The following BEND6 variants were observed in gnomAD, a reference collection of about 807,000 sequenced individuals.
The protein encoded by BEND6 is BEN domain-containing protein 6.
In BEND6, 24 loss-of-function variants were observed where a neutral mutation model predicts 31.8. The ratio of observed to expected loss-of-function variants is 0.75; its 90% CI spans 0.55 to 1.06. The LOEUF (loss-of-function observed/expected upper bound fraction) is 1.06, where lower values mean the gene tolerates loss of function less well. BEND6 is among the 50% of genes least tolerant of loss of function. The pLI, the probability that BEND6 is intolerant of heterozygous loss-of-function variation, is 0.00. For synonymous variants in BEND6, 109 were observed against 114.6 expected (o/e 0.95, Z 0.31); for missense variants, 294 against 327.4 (o/e 0.90, Z 0.79).
chr6:56,974,944 A>G (rs1341661979), intron 1 of BEND6, among the ~76,000 whole-genome samples: 1 of 152,042 alleles, frequency 6.6e-6, no homozygotes, highest in Non-Finnish European at 1.5e-5. Context: ...AACCTGGTGA[A>G]ACCCCATCCC....
intron 2 of BEND6, among the ~76,000 whole-genome samples, chr6:56,984,077 C>T (rs1447879142): frequency 3.3e-5 from 5 of 151,986 alleles, no homozygotes; most frequent in South Asian, 2.1e-4. Flanking sequence ...TAAAATTAAT[C>T]GGGTGCAACT....
At position 57,017,187 on chromosome 6, in the gene BEND6, A is replaced by G. The variant is rs374809214; in HGVS notation, c.520-20A>G. ...ACAGCACTTTCTTTTTCCAACTTCA[A>G]CTCTTTCTTATCTTTTTAGTTCCAG... On this transcript the variant is annotated intron_variant, in intron 4 of 6. Coordinates refer to ENST00000370746, the MANE Select transcript of BEND6 (RefSeq NM_152731.3). 320 of 1,555,994 alleles carry G rather than the reference A, an allele frequency of 2.1e-4. No homozygotes were observed. The highest frequency in any genetic ancestry group is 2.7e-4 in the Non-Finnish European group (310 of 1,152,708).
At chr6:57,017,750 C>T (rs1827613907) in intron 5 of BEND6, among the ~76,000 whole-genome samples, 1 of 152,120 alleles carries the variant, frequency 6.6e-6, no homozygotes, top group South Asian at 2.1e-4. Context: ...AAGATAAAGG[C>T]TAATTTGACC....
intron 3 of BEND6, chr6:57,009,457 C>G (rs1164489107): frequency 6.6e-6 from 1 of 152,052 alleles, no homozygotes; most frequent in Non-Finnish European, 1.5e-5. Flanking sequence ...ATATGGTTCC[C>G]TGAGTAGTCC....
chr6:57,009,498 T>G (rs943140805), intron 3 of BEND6: 1 of 152,192 alleles, frequency 6.6e-6, no homozygotes, highest in African/African-American at 2.4e-5. Context: ...CCAAGAGCAC[T>G]CCTAGCAATT....
chr6:57,003,521 A>G (rs931594108), intron 3 of BEND6, among the ~76,000 whole-genome samples: 1 of 151,752 alleles, frequency 6.6e-6, no homozygotes, highest in Non-Finnish European at 1.5e-5. Flanking sequence ...AGCAACAACA[A>G]CAACAACAAC....
chr6:56,991,879 C>A (rs1274288004), intron 2 of BEND6, among the ~76,000 whole-genome samples: 1 of 152,110 alleles, frequency 6.6e-6, no homozygotes, highest in Non-Finnish European at 1.5e-5. Context: ...AAATAGTAAC[C>A]TTTTGAACAC....
intron 2 of BEND6, among the ~76,000 whole-genome samples, chr6:56,988,075 G>A (rs1826348483): frequency 6.7e-6 from 1 of 149,028 alleles, no homozygotes; most frequent in East Asian, 2.0e-4. Flanking sequence ...GGAGTGCAGT[G>A]GCATGATCTC....
At chr6:56,988,770 T>C (rs1489367422) in intron 2 of BEND6, among the ~76,000 whole-genome samples, 1 of 152,300 alleles carries the variant, frequency 6.6e-6, no homozygotes, top group East Asian at 1.9e-4. Flanking sequence ...GGCTCATGCC[T>C]GTAATCCCAG....
At chr6:56,999,251 C>T (rs928700522) in intron 3 of BEND6, among the ~76,000 whole-genome samples, 6 of 152,194 alleles carry the variant, frequency 3.9e-5, no homozygotes, top group Non-Finnish European at 7.3e-5. Context: ...TACAGAGATT[C>T]ATGGAGATTC....
At chr6:56,989,791 G>C (rs995585875) in intron 2 of BEND6, among the ~76,000 whole-genome samples, 2 of 151,946 alleles carry the variant, frequency 1.3e-5, no homozygotes, top group African/African-American at 4.8e-5. Flanking sequence ...TGAATTGCTG[G>C]CTTCTTTTTC....
chr6:56,958,496 A>G (rs1825172194), intron 1 of BEND6, among the ~76,000 whole-genome samples: 1 of 152,218 alleles, frequency 6.6e-6, no homozygotes, highest in African/African-American at 2.4e-5. Context: ...GAAGGAGAAG[A>G]TAACAAACTG....
At chr6:57,018,628 T>C (rs1475000573) in intron 6 of BEND6, 71 bp downstream of exon 6, 34 of 1,309,202 alleles carry the variant, frequency 2.6e-5, no homozygotes, top group Non-Finnish European at 3.2e-5. Context: ...TTTATTGGAA[T>C]AGCATTTTCC....
At chr6:56,962,649 A>G (rs60842656) in intron 1 of BEND6, among the ~76,000 whole-genome samples, 57 of 152,318 alleles carry the variant, frequency 3.7e-4, no homozygotes, top group African/African-American at 1.4e-3. Context: ...GTCATTTGTA[A>G]TGAGGCAGGA....
chr6:56,957,565 C>T (rs901585330), intron 1 of BEND6, among the ~76,000 whole-genome samples: 1 of 152,080 alleles, frequency 6.6e-6, no homozygotes, highest in Non-Finnish European at 1.5e-5. Context: ...TTATACCTTG[C>T]CTTCCTGGTA....
chr6:56,983,238 G>C (rs6933966), intron 2 of BEND6, among the ~76,000 whole-genome samples: 1 of 152,030 alleles, frequency 6.6e-6, no homozygotes, highest in Non-Finnish European at 1.5e-5. Context: ...ATAGTAAGAA[G>C]GTTACTATAG....
intron 1 of BEND6, among the ~76,000 whole-genome samples, chr6:56,976,789 T>G (rs1370803786): frequency 6.6e-6 from 1 of 152,112 alleles, no homozygotes; most frequent in African/African-American, 2.4e-5. Context: ...GGCCTTGAAT[T>G]ACTGGCCTTA....
intron 2 of BEND6, among the ~76,000 whole-genome samples, chr6:56,986,949 T>C (rs1826299441): frequency 1.3e-5 from 2 of 151,716 alleles, no homozygotes; most frequent in African/African-American, 4.8e-5. Flanking sequence ...TCTGTCTAGA[T>C]ATTAAGCTGT....
At chr6:56,958,711 T>C (rs2127836143) in intron 1 of BEND6, among the ~76,000 whole-genome samples, 1 of 152,332 alleles carries the variant, frequency 6.6e-6, no homozygotes, top group South Asian at 2.1e-4. Context: ...CGGCTTCCAT[T>C]TCTGGCCTGG....
Sources: allele counts gnomAD v4.1 joint callset (sites outside exome capture counted in the v4.1 genomes callset), GRCh38; gene constraint gnomAD v4.1.1; transcripts MANE v1.5; gene names NCBI Gene and HGNC (gene_info 2026-07-23, HGNC 2026-07-21).